Variants in THADA observed in about 807,000 individuals in gnomAD.
THADA encodes the protein THADA armadillo repeat containing.
In THADA, 213 loss-of-function variants were observed where a neutral mutation model predicts 219.8. The ratio of observed to expected loss-of-function variants is 0.97; its 90% CI spans 0.87 to 1.09. The LOEUF is 1.09. Among genes scored for constraint, THADA ranks in the 50% least tolerant of loss-of-function variants. The pLI is 0.00. For missense variants in THADA, 2,956 were observed against 2,311.3 expected (o/e 1.28, Z -5.72); for synonymous variants, 1,018 against 828.9 (o/e 1.23, Z -3.92).
intron 36 of THADA, among the ~76,000 whole-genome samples, chr2:43,262,454 T>C (rs2104214081): frequency 6.6e-6 from 1 of 152,212 alleles, no homozygotes; most frequent in Non-Finnish European, 1.5e-5. Flanking sequence ...GCCTGGGGCC[T>C]GGGGCCTGCC....
At chr2:43,373,194 G>C (rs998724697) in intron 29 of THADA, among the ~76,000 whole-genome samples, 3 of 152,186 alleles carry the variant, frequency 2.0e-5, no homozygotes, top group Non-Finnish European at 2.9e-5. Context: ...TGTTAGGGGA[G>C]TGTACAAAAT....
chr2:43,552,662 G>GAA (rs200775994), intron 17 of THADA, among the ~76,000 whole-genome samples: 4 of 151,112 alleles, frequency 2.6e-5, no homozygotes, highest in African/African-American at 9.7e-5. Flanking sequence ...AATTAAAAAA[G>GAA]AAAAAAAAGA....
chr2:43,335,786 T>A (rs1373924169), intron 30 of THADA, among the ~76,000 whole-genome samples: 1 of 137,104 alleles, frequency 7.3e-6, no homozygotes, highest in Non-Finnish European at 1.5e-5. Flanking sequence ...AGCAAGCCCC[T>A]GTCTCTACTT....
At chr2:43,365,566 GAC>G (rs375762944) in intron 29 of THADA, among the ~76,000 whole-genome samples, 4,620 of 143,278 alleles carry the variant, frequency 0.032, 222 homozygotes, top group African/African-American at 0.11. Flanking sequence ...GCAAGACTCT[GAC>G]ACACACACAC....
At chr2:43,504,455 G>T (rs1295288465) in intron 24 of THADA, among the ~76,000 whole-genome samples, 2 of 151,990 alleles carry the variant, frequency 1.3e-5, no homozygotes, top group East Asian at 3.9e-4. Context: ...CCTCATTCTG[G>T]CCTGTGGGCT....
chr2:43,505,863 T>C, intron 23 of THADA, 128 bp from the exon 24 acceptor site: 1 of 684,204 alleles, frequency 1.5e-6, no homozygotes, highest in East Asian at 2.8e-5. Flanking sequence ...AGAAAGTTAA[T>C]TAAGCCATGT....
chr2:43,397,762 T>C (rs1261845102), intron 29 of THADA, among the ~76,000 whole-genome samples: 4 of 151,556 alleles, frequency 2.6e-5, no homozygotes, highest in Non-Finnish European at 5.9e-5. Context: ...AAAGATAATA[T>C]AAGAGAATCA....
intron 14 of THADA, among the ~76,000 whole-genome samples, chr2:43,569,471 A>G (rs998227798): frequency 2.0e-5 from 3 of 152,248 alleles, no homozygotes; most frequent in Non-Finnish European, 4.4e-5. Context: ...AATAAGTGGC[A>G]GAATCAGGAG....
intron 28 of THADA, among the ~76,000 whole-genome samples, chr2:43,420,023 G>A (rs1485202021): frequency 6.6e-6 from 1 of 152,168 alleles, no homozygotes; most frequent in African/African-American, 2.4e-5. Context: ...TCCAAGTTAT[G>A]AATCATAAAA....
At chr2:43,359,686 C>A (rs1669275455) in intron 29 of THADA, among the ~76,000 whole-genome samples, 1 of 152,156 alleles carries the variant, frequency 6.6e-6, no homozygotes, top group Non-Finnish European at 1.5e-5. Flanking sequence ...AACAAACCAA[C>A]AAACAAACAA....
At chr2:43,590,138 G>A (rs1381336838) in intron 4 of THADA, among the ~76,000 whole-genome samples, 2 of 152,044 alleles carry the variant, frequency 1.3e-5, no homozygotes, top group African/African-American at 4.8e-5. Flanking sequence ...TGAAATGGAA[G>A]CCTTAGTTTT....
At chr2:43,448,476 C>T (rs1465633964) in intron 26 of THADA, among the ~76,000 whole-genome samples, 2 of 151,958 alleles carry the variant, frequency 1.3e-5, no homozygotes, top group African/African-American at 4.8e-5. Context: ...ATTGTTGCAA[C>T]CCTCTTAGCA....
chr2:43,246,187 C>A (rs1197233211), intron 36 of THADA, among the ~76,000 whole-genome samples: 1 of 152,140 alleles, frequency 6.6e-6, no homozygotes, highest in East Asian at 1.9e-4. Flanking sequence ...TAGGCACCCG[C>A]CTCCCAGTCT....
chr2:43,238,457 A>C (rs1208491403), intron 36 of THADA, among the ~76,000 whole-genome samples: 1 of 152,226 alleles, frequency 6.6e-6, no homozygotes, highest in East Asian at 1.9e-4. Context: ...TGACTATAAT[A>C]AAAAAAAGTT....
intron 29 of THADA, among the ~76,000 whole-genome samples, chr2:43,367,430 T>C (rs1670290714): frequency 6.6e-6 from 1 of 152,234 alleles, no homozygotes; most frequent in South Asian, 2.1e-4. Context: ...TTGGGTCATG[T>C]TTTGAATTTT....
intron 29 of THADA, among the ~76,000 whole-genome samples, chr2:43,347,449 A>G (rs1207162069): frequency 6.6e-6 from 1 of 152,232 alleles, no homozygotes; most frequent in Non-Finnish European, 1.5e-5. Flanking sequence ...TCTTGCCAGA[A>G]TCGAGGGAAG....
intron 14 of THADA, 55 bp downstream of exon 14, chr2:43,570,333 C>A (rs1699151279): frequency 2.0e-6 from 3 of 1,496,276 alleles, no homozygotes; most frequent in South Asian, 1.3e-5. Context: ...AATGCTTATT[C>A]ATAATACTTT....
At chr2:43,255,821 G>A (rs146748744) in intron 36 of THADA, among the ~76,000 whole-genome samples, 195 of 152,274 alleles carry the variant, frequency 1.3e-3, no homozygotes, top group African/African-American at 4.5e-3. Flanking sequence ...AACAGGCCCC[G>A]GGTGGGTGAG....
At position 43,556,387 on chromosome 2, in the gene THADA, C is replaced by T; in HGVS notation, c.2632G>A (p.Gly878Arg). 1 of 1,613,876 alleles carries T rather than the reference C, an allele frequency of 6.2e-7. No individual in the cohort carries two copies. Among genetic ancestry groups the T allele is most frequent in the South Asian group, 1.1e-5 (1 of 91,080 alleles). Residue 878 changes from glycine (G) to arginine (R), a missense_variant, in exon 17 of 38, where the codon GGA (glycine) becomes AGA (arginine). Physicochemically the swap from Gly to Arg is moderately radical, Grantham distance 125 (BLOSUM62 -2). Transcript: ENST00000405975. The stretch of plus-strand genomic sequence containing the variant: ...TCCACCACAGCAGCAGGCCTATCTC[C>T]ATTATCACATGCAACTTGCTGAGTT... ...YLTQQVACDN[G>R]DRPAAVVERN...
Sources: allele counts gnomAD v4.1 joint callset (sites outside exome capture counted in the v4.1 genomes callset), GRCh38; gene constraint gnomAD v4.1.1; transcripts MANE v1.5; gene names NCBI Gene and HGNC (gene_info 2026-07-23, HGNC 2026-07-21).